Variants in SS18 observed in about 807,000 individuals in gnomAD.
The protein encoded by SS18 is SS18 subunit of BAF chromatin remodeling complex, also known as protein SSXT.
In SS18, 28 loss-of-function variants were observed where a neutral mutation model predicts 72.5. The observed-to-expected ratio is 0.39, with a 90% CI of 0.29 to 0.53. SS18 has a LOEUF of 0.53. Ranked by LOEUF, SS18 falls within the 20% of genes least tolerant of loss-of-function variation. The pLI is 0.76. For missense variants in SS18, 518 were observed against 535.3 expected (o/e 0.97, Z 0.32); for synonymous variants, 172 against 164.2 (o/e 1.05, Z -0.37).
intron 7 of SS18, among the ~76,000 whole-genome samples, chr18:26,037,456 A>G (rs1331698061): frequency 1.3e-5 from 2 of 152,118 alleles, no homozygotes; most frequent in Admixed American, 6.5e-5. Flanking sequence ...CAATCTTACT[A>G]AAGTTTTTAA....
intron 10 of SS18, chr18:26,023,721 G>A: frequency 2.1e-6 from 1 of 473,098 alleles, no homozygotes. Context: ...CAGTACACCT[G>A]CATTTCAAGA....
intron 3 of SS18, among the ~76,000 whole-genome samples, chr18:26,077,527 G>A (rs1054268646): frequency 1.3e-5 from 2 of 152,058 alleles, no homozygotes; most frequent in Non-Finnish European, 2.9e-5. Context: ...AATGCACTAC[G>A]TGTACCTTGT....
chr18:26,084,129 T>A lies in SS18; in HGVS notation c.146+3372A>T, dbSNP rs555737229. ...AAATAAGTAAATGTTCAAAAAATAA[T>A]GAAGACATATCAAGAAGCCAGCTTG... On this transcript the variant is annotated intron_variant, in intron 2 of 10. Transcript: ENST00000415083. The A allele has an allele frequency of 9.9e-5, 15 of 152,092 alleles. No individual in the cohort carries two copies. The East Asian group carries it at 2.9e-3, about 29-fold the overall frequency. The allele number at this position is 152,092 out of a possible 1,614,324, so 9.4% of individuals were successfully genotyped here. A position where few individuals can be genotyped will look rare whatever the true frequency, so the allele number is the denominator to read the frequency against.
chr18:26,053,560 T>G (rs1331055359), intron 4 of SS18, among the ~76,000 whole-genome samples: 1 of 151,874 alleles, frequency 6.6e-6, no homozygotes, highest in East Asian at 1.9e-4. Context: ...AAATATTATT[T>G]ATAAGATAGA....
At chr18:26,023,785 C>T (rs2143785648) in intron 10 of SS18, among the ~76,000 whole-genome samples, 1 of 152,198 alleles carries the variant, frequency 6.6e-6, no homozygotes, top group East Asian at 1.9e-4. Flanking sequence ...AATATGAATC[C>T]ATACATAAAT....
At chr18:26,071,040 A>G (rs919783795) in intron 3 of SS18, among the ~76,000 whole-genome samples, 77 of 152,304 alleles carry the variant, frequency 5.1e-4, no homozygotes, top group African/African-American at 1.8e-3. Flanking sequence ...AATGAACTGG[A>G]AAACTGGTCA....
chr18:26,057,559 G>A, intron 4 of SS18, 30 bp downstream of exon 4: 1 of 1,613,766 alleles, frequency 6.2e-7, no homozygotes, highest in Non-Finnish European at 8.5e-7. Context: ...AGCAACTCTG[G>A]TGTTAATGTC....
intron 3 of SS18, among the ~76,000 whole-genome samples, chr18:26,060,218 A>G (rs1357183071): frequency 6.6e-6 from 1 of 152,252 alleles, no homozygotes; most frequent in Non-Finnish European, 1.5e-5. Context: ...TCAGCCACAA[A>G]GAAGAAATAC....
At chr18:26,050,853 G>C (rs909298250) in intron 5 of SS18, among the ~76,000 whole-genome samples, 9 of 152,130 alleles carry the variant, frequency 5.9e-5, no homozygotes, top group African/African-American at 2.2e-4. Context: ...AGCTTGCAGA[G>C]AGCAGAGATT....
chr18:26,085,424 T>C (rs1485669554), intron 2 of SS18, among the ~76,000 whole-genome samples: 1 of 152,190 alleles, frequency 6.6e-6, no homozygotes, highest in African/African-American at 2.4e-5. Context: ...CTCACAGGGG[T>C]AGCTGAAAGC....
intron 5 of SS18, among the ~76,000 whole-genome samples, chr18:26,047,795 A>G (rs755654856): frequency 2.5e-4 from 37 of 147,370 alleles, no homozygotes; most frequent in Non-Finnish European, 4.0e-4. Context: ...GTGAACCGAG[A>G]TCATGCCACT....
Position 26,032,381 on chromosome 18 carries a change from G to A in SS18, c.1230+18C>T, listed in dbSNP as rs762646011. 1 of 1,607,604 alleles carries A rather than the reference G, an allele frequency of 6.2e-7. No individual in the cohort carries two copies. The highest frequency in any genetic ancestry group is 1.1e-5 in the South Asian group (1 of 89,966). On this transcript the variant is annotated intron_variant, in intron 10 of 10. Coordinates refer to ENST00000415083, the MANE Select transcript of SS18 (RefSeq NM_001007559.3). ...GAAGAAACAATGTGGCAATTCTGCA[G>A]CCGGTCAAACTACTTACCTGGTCAT... is the stretch of plus-strand genomic sequence containing the variant.
At chr18:26,050,746 A>C (rs1299019440) in intron 5 of SS18, among the ~76,000 whole-genome samples, 1 of 152,006 alleles carries the variant, frequency 6.6e-6, no homozygotes, top group Admixed American at 6.5e-5. Flanking sequence ...TCTACTAAAA[A>C]TACAAAAAAA....
chr18:26,063,695 C>T (rs765843211), intron 3 of SS18, among the ~76,000 whole-genome samples: 6 of 151,978 alleles, frequency 3.9e-5, no homozygotes, highest in Non-Finnish European at 7.4e-5. Flanking sequence ...TGCATATTTA[C>T]AAGAAGGAAA....
chr18:26,048,369 G>T (rs1458007530), intron 5 of SS18, among the ~76,000 whole-genome samples: 2 of 152,148 alleles, frequency 1.3e-5, no homozygotes, highest in African/African-American at 4.8e-5. Flanking sequence ...AAATGGCTTT[G>T]TTGTATTATA....
At chr18:26,046,923 A>G (rs776813701) in intron 5 of SS18, among the ~76,000 whole-genome samples, 3 of 152,228 alleles carry the variant, frequency 2.0e-5, no homozygotes, top group Non-Finnish European at 4.4e-5. Context: ...CTGAAGAAAG[A>G]GCAGCTAAGA....
At chr18:26,082,190 T>A (rs991834840) in intron 2 of SS18, among the ~76,000 whole-genome samples, 1 of 152,150 alleles carries the variant, frequency 6.6e-6, no homozygotes, top group African/African-American at 2.4e-5. Context: ...ATATGACAAA[T>A]ATTCTCAAAT....
intron 3 of SS18, among the ~76,000 whole-genome samples, chr18:26,066,165 C>A (rs1444997696): frequency 6.6e-6 from 1 of 151,634 alleles, no homozygotes; most frequent in Non-Finnish European, 1.5e-5. Flanking sequence ...GTATGTCTTC[C>A]CCATTACAGG....
intron 6 of SS18, 72 bp from the exon 7 acceptor site, chr18:26,038,731 G>C: frequency 1.5e-6 from 2 of 1,312,748 alleles, no homozygotes; most frequent in Non-Finnish European, 2.2e-6. Flanking sequence ...TTTCTAATTT[G>C]ATATTATGAA....
Sources: allele counts gnomAD v4.1 joint callset (sites outside exome capture counted in the v4.1 genomes callset), GRCh38; gene constraint gnomAD v4.1.1; transcripts MANE v1.5; gene names NCBI Gene and HGNC (gene_info 2026-07-23, HGNC 2026-07-21).